The following DYNC2H1 variants were observed in gnomAD, a reference collection of about 807,000 sequenced individuals.
The protein encoded by DYNC2H1 is dynein cytoplasmic 2 heavy chain 1.
A neutral mutation model predicts 570.0 loss-of-function variants in DYNC2H1; 410 were observed. The ratio of observed to expected loss-of-function variants is 0.72; its 90% confidence interval spans 0.66 to 0.78. The LOEUF is 0.78. Ranked by LOEUF, DYNC2H1 falls within the 30% of genes least tolerant of loss-of-function variation. The pLI, the probability that DYNC2H1 is intolerant of heterozygous loss-of-function variation, is 0.00. For synonymous variants in DYNC2H1, 1,688 were observed against 1,677.6 expected (o/e 1.01, Z -0.15); for missense variants, 4,865 against 5,046.4 (o/e 0.96, Z 1.09).
Position 103,135,821 on chromosome 11 carries a change from T to G in DYNC2H1, c.2447T>G (p.Val816Gly). The G allele has an allele frequency of 6.2e-7, 1 of 1,612,668 alleles. No homozygotes were observed. The highest frequency in any genetic ancestry group is 8.5e-7 in the Non-Finnish European group (1 of 1,179,440). ...FIGIPNQFKG[V>G]GEAGDESIFS... ...GGCATTCCAAATCAGTTTAAGGGAG[T>G]GGGTGAGGCAGGAGATGAATCTATT... Residue 816 changes from valine to glycine, a missense_variant, in exon 17 of 89, where the codon GTG becomes GGG. Physicochemically the swap from Val to Gly is moderately radical, Grantham distance 109. Coordinates refer to ENST00000375735, the MANE Select transcript of DYNC2H1 (RefSeq NM_001377.3).
chr11:103,450,647 AAC>A (rs1365280390), intron 85 of DYNC2H1, among the ~76,000 whole-genome samples: 2 of 152,258 alleles, frequency 1.3e-5, no homozygotes, highest in African/African-American at 2.4e-5. Flanking sequence ...TAAAAATTAA[AAC>A]ACAATACATT....
rs955777117 is a variant in DYNC2H1 at position 103,264,685 on chromosome 11, G to C, written c.10695+4708G>C. ...TTCATAAACTAGGTATTGATGGAAC[G>C]TATCTCAAAATAATAAGAGCTATTT... On this transcript the variant is annotated intron_variant, in intron 70 of 88. Transcript: ENST00000375735. This position sits in a 1 kb window ranked among gnomAD's most constrained non-coding sequence, Gnocchi z 4.8. Among the ~76,000 whole-genome samples the C allele has an allele frequency of 6.6e-6, 1 of 152,104 alleles. No homozygotes were observed. The highest frequency in any genetic ancestry group is 1.5e-5 in the Non-Finnish European group (1 of 68,018).
chr11:103,156,481 G>T lies in DYNC2H1; in HGVS notation c.3838G>T (p.Asp1280Tyr). Reference sequence around the variant, plus strand: ...AGTTGGAGCAGTGTTTACATTAATTGATTATGAAGACAGCCAAAGTCGAAC... The same window carrying T: ...AGTTGGAGCAGTGTTTACATTAATTTATTATGAAGACAGCCAAAGTCGAAC... ...WGVGAVFTLI[D>Y]YEDSQSRTMK... Residue 1280 changes from aspartate (D) to tyrosine (Y), a missense_variant, in exon 26 of 89, where the codon GAT becomes TAT. Transcript: ENST00000375735. 1 of 1,613,692 alleles carries T rather than the reference G, an allele frequency of 6.2e-7. No individual in the cohort carries two copies. Among genetic ancestry groups the T allele is most frequent in the African/African-American group, 1.3e-5 (1 of 75,012 alleles).
intron 82 of DYNC2H1, among the ~76,000 whole-genome samples, chr11:103,354,718 G>A (rs1391843150): frequency 6.6e-6 from 1 of 151,574 alleles, no homozygotes; most frequent in Non-Finnish European, 1.5e-5. Flanking sequence ...TAGGTTGACA[G>A]TCTTTTTGTC....
intron 55 of DYNC2H1, among the ~76,000 whole-genome samples, chr11:103,219,675 A>G (rs891469337): frequency 3.3e-5 from 5 of 152,198 alleles, no homozygotes; most frequent in Non-Finnish European, 5.9e-5. Context: ...TATAAAAAGC[A>G]TTTATTGCTT....
At position 103,192,108 on chromosome 11, in the gene DYNC2H1, C is replaced by T. The variant is rs189775682; in HGVS notation, c.7552C>T (p.His2518Tyr). 21 of 1,505,956 alleles carry T rather than the reference C, an allele frequency of 1.4e-5. No individual in the cohort carries two copies. The South Asian group carries it at 2.7e-4, about 20-fold the overall frequency. 93.3% of individuals were successfully genotyped at this position (1,505,956 alleles called of 1,614,324 possible). ...TTTGCCTTTTCTAGGATCCTCAAACCATCCACTAGATTATGTGTTAGAAAT... is the reference window on the plus strand; with the variant it reads ...TTTGCCTTTTCTAGGATCCTCAAACTATCCACTAGATTATGTGTTAGAAAT... ...RYDLEGGSSN[H>Y]PLDYVLEIVA... Residue 2518 changes from histidine (H) to tyrosine (Y), a missense_variant, in exon 47 of 89, where the codon CAT (histidine) becomes TAT (tyrosine). Coordinates refer to ENST00000375735, the MANE Select transcript of DYNC2H1 (RefSeq NM_001377.3).
intron 85 of DYNC2H1, among the ~76,000 whole-genome samples, chr11:103,448,708 G>C (rs917085053): frequency 6.6e-6 from 1 of 152,086 alleles, no homozygotes; most frequent in Non-Finnish European, 1.5e-5. Context: ...AGTTTATCAT[G>C]TTAAAGCCCT....
intron 55 of DYNC2H1, 95 bp from the exon 56 acceptor site, chr11:103,219,820 A>G (rs1403309670): frequency 7.7e-6 from 6 of 776,318 alleles, no homozygotes; most frequent in Non-Finnish European, 1.2e-5. Context: ...AACATTTAAT[A>G]GAAAATGTTA....
At chr11:103,232,333 T>C (rs1273846592) in intron 60 of DYNC2H1, among the ~76,000 whole-genome samples, 2 of 151,976 alleles carry the variant, frequency 1.3e-5, no homozygotes, top group African/African-American at 4.8e-5. Context: ...TAGTCTTTTT[T>C]GTCTGAAGTT....
chr11:103,340,042 T>A (rs1403274774), intron 82 of DYNC2H1, among the ~76,000 whole-genome samples: 1 of 152,214 alleles, frequency 6.6e-6, no homozygotes, highest in African/African-American at 2.4e-5. Context: ...GGGGGAGGAA[T>A]GTTGTAGGTA....
chr11:103,443,134 G>A (rs17100868), intron 85 of DYNC2H1, among the ~76,000 whole-genome samples: 1 of 151,788 alleles, frequency 6.6e-6, no homozygotes, highest in Non-Finnish European at 1.5e-5. Context: ...ATAAATCCCA[G>A]CTATCAAAAT....
At chr11:103,162,416 T>C (rs1376293058) in intron 29 of DYNC2H1, among the ~76,000 whole-genome samples, 1 of 152,196 alleles carries the variant, frequency 6.6e-6, no homozygotes, top group Non-Finnish European at 1.5e-5. Context: ...ATTCATTGTT[T>C]ATCAATCATT....
At chr11:103,276,671 G>A (rs1865918957) in intron 70 of DYNC2H1, among the ~76,000 whole-genome samples, 1 of 151,968 alleles carries the variant, frequency 6.6e-6, no homozygotes. Context: ...ATATATGTAT[G>A]TTTTTATAAA....
chr11:103,283,146 G>T, intron 73 of DYNC2H1, 61 bp downstream of exon 73: 1 of 1,340,744 alleles, frequency 7.5e-7, no homozygotes, highest in Non-Finnish European at 1.0e-6. Context: ...TGTTTCTGTT[G>T]ATACTTTGTG....
At position 103,129,839 on chromosome 11, in the gene DYNC2H1, C is replaced by T. The variant is rs956547832; in HGVS notation, c.1953+834C>T. Among the ~76,000 whole-genome samples the T allele has an allele frequency of 2.0e-5, 3 of 151,832 alleles. No homozygotes were observed. The highest frequency in any genetic ancestry group is 4.4e-5 in the Non-Finnish European group (3 of 67,972). ...AAAAATAAGCAGAAGAGGTATATACCATTTTATTTTTTTCTATTTGAAAGT... is the reference window on the plus strand; with the variant it reads ...AAAAATAAGCAGAAGAGGTATATACTATTTTATTTTTTTCTATTTGAAAGT... On this transcript the variant is annotated intron_variant, in intron 13 of 88. Transcript: ENST00000375735. The surrounding 1 kb of genome is among the most constrained non-coding windows in gnomAD (Gnocchi z 4.1).
At chr11:103,230,489 A>G (rs1477638942) in intron 59 of DYNC2H1, among the ~76,000 whole-genome samples, 10 of 152,354 alleles carry the variant, frequency 6.6e-5, no homozygotes, top group Middle Eastern at 6.8e-3. Context: ...GAGTAAGGGC[A>G]TAAGCTAGAC....
In DYNC2H1 at chr11:103,257,742, A is replaced by G. The variant is rs1200400159; in HGVS notation, c.10596A>G (p.Gln3532=). ...TCCGACTTTTCCAACGAGCTCTACA[A>G]AACAAACAGGTAAGCTGTTGGATAC... ...AFLRLFQRAL[Q]NKQDSENTEQ... The change falls in exon 69 of 89, where the codon CAA becomes CAG. Residue 3532 remains glutamine, a synonymous_variant. Coordinates refer to ENST00000375735, the MANE Select transcript of DYNC2H1 (RefSeq NM_001377.3). 2 of 1,591,722 alleles carry G rather than the reference A, an allele frequency of 1.3e-6. No homozygotes were observed. Among genetic ancestry groups the G allele is most frequent in the Non-Finnish European group, 1.7e-6 (2 of 1,168,448 alleles).
At position 103,145,665 on chromosome 11, in the gene DYNC2H1, C is replaced by T. The variant is rs756323537; in HGVS notation, c.2703-2107C>T. ...ATCTAAGTGAATACATACATATGCACATACAAACATACACATTTATTTCAT... is the reference window on the plus strand; with the variant it reads ...ATCTAAGTGAATACATACATATGCATATACAAACATACACATTTATTTCAT... On this transcript the variant is annotated intron_variant, in intron 18 of 88. Transcript: ENST00000375735. This position sits in a 1 kb window ranked among gnomAD's most constrained non-coding sequence, Gnocchi z 4.2. Among the ~76,000 whole-genome samples the T allele has an allele frequency of 1.3e-5, 2 of 152,180 alleles. No individual in the cohort carries two copies. The highest frequency in any genetic ancestry group is 2.4e-5 in the African/African-American group (1 of 41,440).
At chr11:103,221,137 T>G (rs1863570145) in intron 57 of DYNC2H1, among the ~76,000 whole-genome samples, 1 of 151,966 alleles carries the variant, frequency 6.6e-6, no homozygotes. Flanking sequence ...TTAAGAGTCT[T>G]GTACTACCGA....
Sources: allele counts gnomAD v4.1 joint callset (sites outside exome capture counted in the v4.1 genomes callset), GRCh38; gene constraint gnomAD v4.1.1; non-coding constraint Gnocchi (gnomAD v3.1); transcripts MANE v1.5; gene names NCBI Gene and HGNC (gene_info 2026-07-23, HGNC 2026-07-21).